UBXN2B: variants seen among roughly 807,000 people sequenced by gnomAD.
UBXN2B encodes the protein UBX domain protein 2B, also known as UBX domain-containing protein 2B.
UBXN2B carries 19 observed loss-of-function variants against 37.5 expected under a neutral mutation model. The observed-to-expected ratio is 0.51, with a 90% CI of 0.35 to 0.74. The LOEUF is 0.74. Among genes scored for constraint, UBXN2B ranks in the 30% least tolerant of loss-of-function variants. UBXN2B has a pLI of 0.01. For synonymous variants in UBXN2B, 145 were observed against 143.8 expected (o/e 1.01, Z -0.06); for missense variants, 370 against 393.2 (o/e 0.94, Z 0.50).
intron 6 of UBXN2B, among the ~76,000 whole-genome samples, chr8:58,442,364 TAA>T (rs1395723138): frequency 6.6e-6 from 1 of 152,248 alleles, no homozygotes; most frequent in African/African-American, 2.4e-5. Context: ...AGAAATATAT[TAA>T]AAGTTTAATA....
intron 2 of UBXN2B, among the ~76,000 whole-genome samples, chr8:58,427,645 G>C (rs1364046719): frequency 6.6e-6 from 1 of 152,190 alleles, no homozygotes; most frequent in South Asian, 2.1e-4. Context: ...ACAGGAAAAA[G>C]TGTGATTGTT....
intron 1 of UBXN2B, among the ~76,000 whole-genome samples, chr8:58,415,760 C>A (rs1489413593): frequency 6.6e-6 from 1 of 151,958 alleles, no homozygotes; most frequent in Non-Finnish European, 1.5e-5. Context: ...TGAATTCAGT[C>A]CTTTTAGATT....
chr8:58,425,956 T>C (rs1270336196), intron 2 of UBXN2B: 30 of 1,427,804 alleles, frequency 2.1e-5, no homozygotes, highest in Non-Finnish European at 2.9e-5. Context: ...GGCTCTCTCA[T>C]ACAAGAAAAC....
intron 2 of UBXN2B, chr8:58,425,655 G>T (rs1469593131): frequency 1.7e-6 from 2 of 1,145,656 alleles, no homozygotes; most frequent in Non-Finnish European, 1.3e-6. Context: ...CTTTATTGTG[G>T]TCTCAGCTAA....
rs151207547 is a variant in UBXN2B at position 58,430,334 on chromosome 8, G to C, written c.189-185G>C. On this transcript the variant is annotated intron_variant, in intron 2 of 7. Coordinates refer to ENST00000399598, the MANE Select transcript of UBXN2B (RefSeq NM_001077619.2). ...CAATCTTTGCAAACTCAGTGAGAAAGTATATGATTTCCTATTTATTATACT... is the reference window on the plus strand; with the variant it reads ...CAATCTTTGCAAACTCAGTGAGAAACTATATGATTTCCTATTTATTATACT... 6.0e-3 allele frequency among the ~76,000 whole-genome samples: 916 copies of C among 152,284 alleles called. 4 individuals carry two copies. Among genetic ancestry groups the C allele is most frequent in the Non-Finnish European group, 8.6e-3 (588 of 68,026 alleles).
chr8:58,416,862 GA>G lies in UBXN2B; in HGVS notation c.99del (p.Glu33AspfsTer7). ...TGTTATTATGTAGTTGGCCTTGGCA[GA>G]ATTGTATGAAGATGAAGTGAAGTGC... Reference protein sequence around the residue: ...SARDLQLALAELYEDEVKCKS... With the variant: ...SARDLQLALAXLYEDEVKCKS... On this transcript the variant is annotated frameshift_variant, in exon 2 of 8. Coordinates refer to ENST00000399598, the MANE Select transcript of UBXN2B (RefSeq NM_001077619.2). LOFTEE classifies it high-confidence loss of function. The G allele has an allele frequency of 6.2e-7, 1 of 1,611,872 alleles. No homozygotes were observed. The highest frequency in any genetic ancestry group is 8.5e-7 in the Non-Finnish European group (1 of 1,178,584).
At position 58,450,261 on chromosome 8, in the gene UBXN2B, T is replaced by C. The variant is rs1025970526; in HGVS notation, c.*2710T>C. The C allele has an allele frequency of 1.3e-5, 2 of 152,206 alleles. No homozygotes were observed. The highest frequency in any genetic ancestry group is 4.8e-5 in the African/African-American group (2 of 41,450). The allele number at this position is 152,206 out of a possible 1,614,324, so 9.4% of individuals were successfully genotyped here. ...AACAGGTCTTCCCTCAATCTACCTC[T>C]TTCCACATTTTACTATAATCAGCAA... On this transcript the variant is annotated 3_prime_UTR_variant, in exon 8 of 8. Coordinates refer to ENST00000399598, the MANE Select transcript of UBXN2B (RefSeq NM_001077619.2).
At chr8:58,442,111 A>G (rs560753438) in intron 6 of UBXN2B, among the ~76,000 whole-genome samples, 1 of 152,312 alleles carries the variant, frequency 6.6e-6, no homozygotes, top group Non-Finnish European at 1.5e-5. Context: ...CAGAGTTTCC[A>G]CTTTGCAGTG....
intron 4 of UBXN2B, 58 bp downstream of exon 4, chr8:58,433,301 G>A (rs1225194297): frequency 3.0e-6 from 4 of 1,327,026 alleles, no homozygotes; most frequent in East Asian, 2.8e-5. Flanking sequence ...TACTAAAACT[G>A]TTGGTTTTAA....
At chr8:58,416,381 T>C (rs951861368) in intron 1 of UBXN2B, among the ~76,000 whole-genome samples, 1 of 152,120 alleles carries the variant, frequency 6.6e-6, no homozygotes, top group Non-Finnish European at 1.5e-5. Context: ...CGATGAAATT[T>C]ATAAGTTTGG....
At chr8:58,437,950 GCC>G (rs35647877) in intron 5 of UBXN2B, among the ~76,000 whole-genome samples, 4 of 143,938 alleles carry the variant, frequency 2.8e-5, no homozygotes, top group South Asian at 2.2e-4. Context: ...CTTTAAGGCA[GCC>G]CCCCCCCCAA....
At chr8:58,442,584 A>G (rs946676713) in intron 6 of UBXN2B, among the ~76,000 whole-genome samples, 2 of 152,220 alleles carry the variant, frequency 1.3e-5, no homozygotes, top group African/African-American at 4.8e-5. Context: ...TTATGGTGCA[A>G]ACCAAAATGC....
chr8:58,415,914 G>C (rs2129603642), intron 1 of UBXN2B, among the ~76,000 whole-genome samples: 1 of 152,078 alleles, frequency 6.6e-6, no homozygotes, highest in Non-Finnish European at 1.5e-5. Context: ...TTGACTAATA[G>C]AATTTTCAAA....
Position 58,411,365 on chromosome 8 carries a change from GGC to G in UBXN2B, c.-18_-17del. The G allele has an allele frequency of 3.9e-6, 5 of 1,269,038 alleles. No homozygotes were observed. Among genetic ancestry groups the G allele is most frequent in the Non-Finnish European group, 5.0e-6 (5 of 1,004,540 alleles). The allele number at this position is 1,269,038 out of a possible 1,614,324, so 78.6% of individuals were successfully genotyped here. On this transcript the variant is annotated 5_prime_UTR_variant, in exon 1 of 8. Transcript: ENST00000399598. ...AGTTGCGGCAGGTGCGTCCGCAGCGGGCGCCGCTAGCCAGCGGAAGATGGCGG... is the reference window on the plus strand; with the variant it reads ...AGTTGCGGCAGGTGCGTCCGCAGCGGGCCGCTAGCCAGCGGAAGATGGCGG...
At chr8:58,430,146 C>A (rs185197531) in intron 2 of UBXN2B, among the ~76,000 whole-genome samples, 1 of 152,226 alleles carries the variant, frequency 6.6e-6, no homozygotes, top group East Asian at 1.9e-4. Flanking sequence ...GTGTGGCCTT[C>A]TTAGGGAGAA....
Position 58,450,523 on chromosome 8 carries a change from A to G in UBXN2B, c.*2972A>G, listed in dbSNP as rs558430680. ...TTCTATGGCAATCGAGGTATTCTCTATTATGCTCCTTTCTTCAAGGCCGCC... is the reference window on the plus strand; with the variant it reads ...TTCTATGGCAATCGAGGTATTCTCTGTTATGCTCCTTTCTTCAAGGCCGCC... On this transcript the variant is annotated 3_prime_UTR_variant, in exon 8 of 8. Transcript: ENST00000399598. 2.2e-4 allele frequency: 34 copies of G among 152,248 alleles called. No homozygotes were observed. Among genetic ancestry groups the G allele is most frequent in the African/African-American group, 7.2e-4 (30 of 41,542 alleles). 9.4% of individuals were successfully genotyped at this position (152,248 alleles called of 1,614,324 possible). A position where few individuals can be genotyped will look rare whatever the true frequency, so the allele number is the denominator to read the frequency against.
chr8:58,444,722 A>C (rs192641720), intron 6 of UBXN2B, among the ~76,000 whole-genome samples: 235 of 152,350 alleles, frequency 1.5e-3, no homozygotes, highest in Admixed American at 2.5e-3. Flanking sequence ...AATTAAAAAG[A>C]AATTCCTTAA....
chr8:58,425,032 T>C, intron 2 of UBXN2B: 1 of 782,604 alleles, frequency 1.3e-6, no homozygotes, highest in Non-Finnish European at 2.4e-6. Context: ...CATGATGCGT[T>C]CCTGCTTATG....
At chr8:58,441,365 A>ATATATATATGTATGTGTATATATATG (rs1563467250) in intron 6 of UBXN2B, among the ~76,000 whole-genome samples, 1 of 145,594 alleles carries the variant, frequency 6.9e-6, no homozygotes, top group African/African-American at 2.6e-5. Context: ...ATATATATAT[A>ATATATATATGTATGTGTATATATATG]TATGTATGTG....
Sources: allele counts gnomAD v4.1 joint callset (sites outside exome capture counted in the v4.1 genomes callset), GRCh38; gene constraint gnomAD v4.1.1; transcripts MANE v1.5; gene names NCBI Gene and HGNC (gene_info 2026-07-23, HGNC 2026-07-21).